CHLSN: variants seen among roughly 807,000 people sequenced by gnomAD.
The protein encoded by CHLSN is cholesin.
the CHLSN span, chr7:1,076,255 C>T: frequency 2.5e-5 from 4 of 157,866 alleles, no homozygotes; most frequent in African/African-American, 7.2e-5. Context: ...GGAGGAGCAT[C>T]GCCAGGGAGG....
At chr7:1,037,231 C>T in the CHLSN span, among the ~76,000 whole-genome samples, 1 of 141,898 alleles carries the variant, frequency 7.0e-6, no homozygotes, top group Non-Finnish European at 1.6e-5. Context: ...TGCCTCCTCC[C>T]TAAAGTTTGG....
At chr7:1,119,086 C>G in the CHLSN span, among the ~76,000 whole-genome samples, 1 of 151,766 alleles carries the variant, frequency 6.6e-6, no homozygotes, top group Non-Finnish European at 1.5e-5. Context: ...AACCCCGTCT[C>G]TACTAAAAAT....
chr7:1,011,449 G>A, the CHLSN span, among the ~76,000 whole-genome samples: 244 of 96,258 alleles, frequency 2.5e-3, no homozygotes, highest in African/African-American at 9.1e-3. Flanking sequence ...ACCCAAACAC[G>A]CCCACAGACA....
At chr7:1,109,981 G>A in the CHLSN span, among the ~76,000 whole-genome samples, 1 of 152,192 alleles carries the variant, frequency 6.6e-6, no homozygotes, top group African/African-American at 2.4e-5. Context: ...TGCGTCCAGG[G>A]CTACAGTAAT....
the CHLSN span, among the ~76,000 whole-genome samples, chr7:1,100,435 C>T: frequency 3.9e-5 from 6 of 152,262 alleles, no homozygotes; most frequent in Admixed American, 3.3e-4. Flanking sequence ...TGCACAGACC[C>T]GGGACAGGTC....
chr7:1,115,044 T>C, the CHLSN span, among the ~76,000 whole-genome samples: 1 of 152,252 alleles, frequency 6.6e-6, no homozygotes, highest in South Asian at 2.1e-4. Context: ...TGGGCATGTC[T>C]GTTACCAGAC....
At chr7:1,069,484 C>A in the CHLSN span, among the ~76,000 whole-genome samples, 1 of 142,826 alleles carries the variant, frequency 7.0e-6, no homozygotes, top group Non-Finnish European at 1.5e-5. Flanking sequence ...CTCAGCCTGC[C>A]GAGTGCCTGC....
At chr7:1,049,514 T>C in the CHLSN span, among the ~76,000 whole-genome samples, 19 of 152,210 alleles carry the variant, frequency 1.2e-4, no homozygotes, top group Admixed American at 1.2e-3. Context: ...GTGCACATGC[T>C]TGCTGCCCGC....
the CHLSN span, among the ~76,000 whole-genome samples, chr7:1,118,781 G>C: frequency 7.0e-5 from 8 of 114,630 alleles, no homozygotes; most frequent in East Asian, 2.2e-3. Context: ...GGGCAAGATA[G>C]TGAGACCCCA....
the CHLSN span, among the ~76,000 whole-genome samples, chr7:1,065,489 G>A: frequency 6.6e-6 from 1 of 152,270 alleles, no homozygotes; most frequent in African/African-American, 2.4e-5. Flanking sequence ...CAGCGAAATG[G>A]ACCCACCGGG....
the CHLSN span, chr7:987,105 A>AG: frequency 8.4e-6 from 13 of 1,541,482 alleles, no homozygotes; most frequent in South Asian, 1.3e-4. Context: ...ACGCCTCTGC[A>AG]GGGGGATGAC....
the CHLSN span, among the ~76,000 whole-genome samples, chr7:1,117,704 C>T: frequency 0.03 from 4,412 of 149,242 alleles, 225 homozygotes; most frequent in African/African-American, 0.1. Flanking sequence ...CTCTACGGAC[C>T]GGCTTCCATC....
At chr7:1,033,215 G>A in the CHLSN span, among the ~76,000 whole-genome samples, 6 of 152,188 alleles carry the variant, frequency 3.9e-5, no homozygotes, top group African/African-American at 1.2e-4. Context: ...CACACACCAT[G>A]CATGACAAGT....
the CHLSN span, among the ~76,000 whole-genome samples, chr7:1,016,658 G>GCAGCACACGC: frequency 1.6e-5 from 1 of 62,538 alleles, no homozygotes; most frequent in East Asian, 3.2e-4. Context: ...GCAGCACACA[G>GCAGCACACGC]CAGCGCACAG....
At chr7:1,058,137 G>A in the CHLSN span, 3 of 749,566 alleles carry the variant, frequency 4.0e-6, no homozygotes, top group South Asian at 2.7e-5. Flanking sequence ...CTACGCGCTG[G>A]TGCTACTCTC....
chr7:1,062,966 C>T, the CHLSN span, among the ~76,000 whole-genome samples: 1 of 152,200 alleles, frequency 6.6e-6, no homozygotes, highest in Non-Finnish European at 1.5e-5. Context: ...TAACCCTAAC[C>T]CTCAACACCC....
chr7:1,072,658 G>C, the CHLSN span, among the ~76,000 whole-genome samples: 1 of 148,670 alleles, frequency 6.7e-6, no homozygotes, highest in Admixed American at 6.7e-5. Context: ...TAATTATGGA[G>C]TCAATTTCTT....
chr7:1,028,900 G>A, the CHLSN span: 1 of 688,576 alleles, frequency 1.5e-6, no homozygotes, highest in Non-Finnish European at 1.7e-6. Context: ...CTGACTCCAT[G>A]TCCCCCCATC....
chr7:988,683 T>C, the CHLSN span: 1 of 1,600,204 alleles, frequency 6.2e-7, no homozygotes, highest in Non-Finnish European at 8.5e-7. Context: ...GAGCTCTTCC[T>C]GCTGTTTGCC....
Sources: allele counts gnomAD v4.1 joint callset (sites outside exome capture counted in the v4.1 genomes callset), GRCh38; gene constraint gnomAD v4.1.1; transcripts MANE v1.5; gene names NCBI Gene and HGNC (gene_info 2026-07-23, HGNC 2026-07-21).